The following ING4 variants were observed in gnomAD, a reference collection of about 807,000 sequenced individuals.
ING4 encodes inhibitor of growth family member 4, also known as inhibitor of growth protein 4.
ING4 carries 28 observed loss-of-function variants against 33.1 expected under a neutral mutation model. The ratio of observed to expected loss-of-function variants is 0.85; its 90% CI spans 0.63 to 1.16. The LOEUF is 1.16. Among genes scored for constraint, ING4 ranks in the 50% most tolerant of loss-of-function variants. The probability of loss-of-function intolerance (pLI) is 0.00; values close to 1 mark genes in which losing one functional copy is unlikely to be tolerated. For synonymous variants in ING4, 87 were observed against 104.4 expected, an observed-to-expected ratio of 0.83 and a Z score of 1.02; for missense variants, 247 against 314.7, an observed-to-expected ratio of 0.78 and a Z score of 1.63.
rs1949147052 is a variant in ING4 at position 6,650,488 on chromosome 12, A to T, written c.*707T>A. The T allele has an allele frequency of 6.6e-6, 1 of 152,636 alleles. No individual in the cohort carries two copies. The highest frequency in any genetic ancestry group is 1.5e-5 in the Non-Finnish European group (1 of 68,064). The allele number at this position is 152,636 out of a possible 1,614,324, so 9.5% of individuals were successfully genotyped here. A position where few individuals can be genotyped will look rare whatever the true frequency, so the allele number is the denominator to read the frequency against. ...CACTCTGGTTTCATGTCGTGTCCTA[A>T]TTCTGGCATGCCATCCTCTCACATT... On this transcript the variant is annotated 3_prime_UTR_variant, in exon 8 of 8. Coordinates refer to ENST00000341550, the MANE Select transcript of ING4 (RefSeq NM_016162.4).
chr12:6,662,410 T>C (rs1949583883), intron 1 of ING4, among the ~76,000 whole-genome samples: 1 of 152,202 alleles, frequency 6.6e-6, no homozygotes, highest in South Asian at 2.1e-4. Flanking sequence ...TACTCATTTT[T>C]CTATCCCTAG....
At chr12:6,660,337 G>A (rs997455623) in intron 1 of ING4, among the ~76,000 whole-genome samples, 2 of 151,732 alleles carry the variant, frequency 1.3e-5, no homozygotes, top group African/African-American at 4.8e-5. Context: ...GGCCTGGTAC[G>A]GTGGCTCATG....
rs1208239970 is a variant in ING4 at position 6,650,528 on chromosome 12, G to A, written c.*667C>T. ...CCTCTCACATTGCATCCAACCCAGAGGACGCAAAATGAATGCTCAGCATGT... is the reference window on the plus strand; with the variant it reads ...CCTCTCACATTGCATCCAACCCAGAAGACGCAAAATGAATGCTCAGCATGT... On this transcript the variant is annotated 3_prime_UTR_variant, in exon 8 of 8. Transcript: ENST00000341550. 1.3e-5 allele frequency: 2 copies of A among 152,752 alleles called. No homozygotes were observed. The highest frequency in any genetic ancestry group is 4.8e-5 in the African/African-American group (2 of 41,440). 9.5% of individuals were successfully genotyped at this position (152,752 alleles called of 1,614,324 possible). A position where few individuals can be genotyped will look rare whatever the true frequency, so the allele number is the denominator to read the frequency against.
At chr12:6,658,443 T>C (rs1420978743) in intron 1 of ING4, among the ~76,000 whole-genome samples, 4 of 151,158 alleles carry the variant, frequency 2.6e-5, no homozygotes, top group East Asian at 4.0e-4. Context: ...CCCAGCACTT[T>C]GGGAGGCCCA....
intron 5 of ING4, 119 bp from the exon 6 acceptor site, chr12:6,652,537 C>T: frequency 7.2e-7 from 1 of 1,382,446 alleles, no homozygotes; most frequent in South Asian, 1.2e-5. Context: ...CCAGCAGATA[C>T]CAAAATGATA....
chr12:6,656,700 T>TA (rs1462874013), intron 2 of ING4, 27 bp downstream of exon 2: 9 of 1,336,488 alleles, frequency 6.7e-6, no homozygotes, highest in Non-Finnish European at 9.4e-6. Flanking sequence ...ACTCATTAGA[T>TA]ACAAAAACTT....
At chr12:6,661,100 T>G (rs1949533225) in intron 1 of ING4, among the ~76,000 whole-genome samples, 1 of 148,978 alleles carries the variant, frequency 6.7e-6, no homozygotes, top group Admixed American at 6.6e-5. Context: ...AGCCTTTTTG[T>G]TTTTGTTTTT....
At position 6,652,167 on chromosome 12, in the gene ING4, C is replaced by T. The variant is rs74057052; in HGVS notation, c.645+104G>A. Reference sequence around the variant, plus strand: ...GAGCTACTACGTCCAGCCCATCTTTCTTCTATTCTGAAGTCCCAGTACTCA... The same window carrying T: ...GAGCTACTACGTCCAGCCCATCTTTTTTCTATTCTGAAGTCCCAGTACTCA... On this transcript the variant is annotated intron_variant, in intron 6 of 7. Transcript: ENST00000341550. 5,991 of 1,358,418 alleles carry T rather than the reference C, an allele frequency of 4.4e-3. 280 individuals are homozygous for T. In the African/African-American group the frequency reaches 0.078, roughly 18 times the overall value. The allele number at this position is 1,358,418 out of a possible 1,614,324, so 84.1% of individuals were successfully genotyped here.
At position 6,653,226 on chromosome 12, in the gene ING4, A is replaced by C; in HGVS notation, c.276+4T>G. On this transcript the variant is annotated splice_donor_region_variant and intron_variant, in intron 3 of 7. Transcript: ENST00000341550. ...TAGGTGGGGAGCCATGAACAGGGCC[A>C]TACCATCTCATAGGTCTGCATGGCA... The C allele has an allele frequency of 1.9e-6, 3 of 1,614,018 alleles. No homozygotes were observed. Among genetic ancestry groups the C allele is most frequent in the Non-Finnish European group, 2.5e-6 (3 of 1,179,938 alleles).
intron 6 of ING4, 60 bp from the exon 7 acceptor site, chr12:6,651,445 C>T: frequency 7.0e-7 from 1 of 1,429,614 alleles, no homozygotes; most frequent in Non-Finnish European, 9.9e-7. Context: ...GGAGAGAAAG[C>T]CCCTCCAGAT....
intron 1 of ING4, among the ~76,000 whole-genome samples, chr12:6,659,690 G>GT (rs765642984): frequency 6.6e-6 from 1 of 151,598 alleles, no homozygotes; most frequent in Non-Finnish European, 1.5e-5. Context: ...GCGGGCGCCT[G>GT]TAGTCCCAGC....
At chr12:6,653,166 G>A in intron 3 of ING4, 64 bp downstream of exon 3, 1 of 1,599,978 alleles carries the variant, frequency 6.3e-7, no homozygotes, top group Middle Eastern at 1.7e-4. Context: ...CACAGTTGAA[G>A]GAGGGGTCTA....
intron 5 of ING4, 62 bp from the exon 6 acceptor site, chr12:6,652,480 T>TAG: frequency 6.4e-7 from 1 of 1,571,086 alleles, no homozygotes; most frequent in Non-Finnish European, 8.7e-7. Flanking sequence ...CCTGAGGCTT[T>TAG]CAGAGGTGGC....
intron 6 of ING4, 55 bp downstream of exon 6, chr12:6,652,216 C>A: frequency 1.3e-6 from 2 of 1,582,664 alleles, no homozygotes; most frequent in Non-Finnish European, 1.7e-6. Context: ...CCCTCTTGTA[C>A]CCACTCCCTT....
At chr12:6,655,398 A>G (rs1949323359) in intron 2 of ING4, among the ~76,000 whole-genome samples, 1 of 152,218 alleles carries the variant, frequency 6.6e-6, no homozygotes, top group African/African-American at 2.4e-5. Flanking sequence ...GAGACTATAG[A>G]TGTTTACTAA....
intron 1 of ING4, among the ~76,000 whole-genome samples, chr12:6,658,752 T>C (rs778513676): frequency 1.1e-4 from 16 of 152,168 alleles, no homozygotes; most frequent in Non-Finnish European, 1.9e-4. Flanking sequence ...ACTCTCCCGC[T>C]TATAACCTTC....
intron 2 of ING4, among the ~76,000 whole-genome samples, chr12:6,654,507 A>T (rs12306554): frequency 0.076 from 11,558 of 151,178 alleles, 743 homozygotes; most frequent in African/African-American, 0.18. Context: ...TAATTTTTTT[A>T]AAAAAATTAT....
At chr12:6,658,066 T>C (rs1302861054) in intron 1 of ING4, among the ~76,000 whole-genome samples, 2 of 151,172 alleles carry the variant, frequency 1.3e-5, no homozygotes, top group African/African-American at 4.8e-5. Context: ...TTCAAGTGAT[T>C]CTCCTGCCTC....
Position 6,651,061 on chromosome 12 carries a change from G to C in ING4, c.*134C>G. On this transcript the variant is annotated 3_prime_UTR_variant, in exon 8 of 8. Transcript: ENST00000341550. Reference sequence around the variant, plus strand: ...AGCCTCAGCACCGGGAGTGGGGAGAGGGGAGGAGAAGGGATGACAGCACTG... The same window carrying C: ...AGCCTCAGCACCGGGAGTGGGGAGACGGGAGGAGAAGGGATGACAGCACTG... 1.0e-6 allele frequency: 1 copy of C among 976,180 alleles called. No individual in the cohort carries two copies. The allele number at this position is 976,180 out of a possible 1,614,324, so 60.5% of individuals were successfully genotyped here.
Sources: gnomAD v4.1 joint callset for allele counts (sites outside exome capture counted in the v4.1 genomes callset) on GRCh38, gnomAD v4.1.1 for gene constraint, MANE v1.5 for transcripts, NCBI Gene and HGNC (gene_info 2026-07-23, HGNC 2026-07-21) for gene names.